Variants in ADAM10 observed in about 807,000 individuals in gnomAD.
The protein encoded by ADAM10 is disintegrin and metalloproteinase domain-containing protein 10.
Under a neutral mutation model 90.1 loss-of-function variants are expected in ADAM10, and 17 were observed. The observed-to-expected ratio is 0.19, with a 90% CI of 0.13 to 0.28. ADAM10 has a LOEUF of 0.28. ADAM10 is among the 10% of genes least tolerant of loss of function. The pLI is 1.00. For missense variants in ADAM10, 610 were observed against 914.3 expected (o/e 0.67, Z 4.29); for synonymous variants, 310 against 298.6 (o/e 1.04, Z -0.40).
intron 11 of ADAM10, among the ~76,000 whole-genome samples, chr15:58,619,639 T>C (rs1895721547): frequency 6.6e-6 from 1 of 152,122 alleles, no homozygotes; most frequent in African/African-American, 2.4e-5. Flanking sequence ...GTGCAGTGGC[T>C]CACACCTGTA....
At chr15:58,693,275 A>G in intron 2 of ADAM10, 1 of 536,238 alleles carries the variant, frequency 1.9e-6, no homozygotes, top group Non-Finnish European at 3.4e-6. Flanking sequence ...CCAAGGCTGC[A>G]CAGGGGTGAC....
At chr15:58,683,859 CA>C (rs71425819) in intron 2 of ADAM10, among the ~76,000 whole-genome samples, 1,284 of 67,148 alleles carry the variant, frequency 0.019, 2 homozygotes, top group South Asian at 0.032. Flanking sequence ...GGCTCCATCT[CA>C]AAAAAAAAAA....
chr15:58,692,645 T>C, intron 2 of ADAM10: 1 of 559,932 alleles, frequency 1.8e-6, no homozygotes, highest in Non-Finnish European at 3.6e-6. Flanking sequence ...TGATCTTCTT[T>C]AAGGTGAAGG....
intron 8 of ADAM10, among the ~76,000 whole-genome samples, chr15:58,639,962 A>G (rs1896372344): frequency 6.6e-6 from 1 of 152,034 alleles, no homozygotes; most frequent in Non-Finnish European, 1.5e-5. Flanking sequence ...AGAAGATAAT[A>G]TACTATTGAT....
chr15:58,682,256 C>T lies in ADAM10; in HGVS notation c.265G>A (p.Glu89Lys). The T allele has an allele frequency of 6.2e-7, 1 of 1,612,926 alleles. No homozygotes were observed. The highest frequency in any genetic ancestry group is 1.3e-5 in the African/African-American group (1 of 74,966). The change falls in exon 3 of 16, where the codon GAA becomes AAA. Residue 89 changes from glutamate (E) to lysine (K), a missense_variant. Coordinates refer to ENST00000260408, the MANE Select transcript of ADAM10 (RefSeq NM_001110.4). ...TAATCAAGTACTTTATTTGATGTTT[C>T]TACTTTAAATTCATCACTGAAAAGG... ...TSLFSDEFKV[E>K]TSNKVLDYDT...
intron 2 of ADAM10, among the ~76,000 whole-genome samples, chr15:58,700,163 C>T (rs746935935): frequency 1.3e-5 from 2 of 152,144 alleles, no homozygotes; most frequent in African/African-American, 4.8e-5. Context: ...CTTCAACACC[C>T]CACTCTCAGC....
chr15:58,697,821 C>G (rs1198383743), intron 2 of ADAM10, among the ~76,000 whole-genome samples: 1 of 152,172 alleles, frequency 6.6e-6, no homozygotes, highest in Non-Finnish European at 1.5e-5. Flanking sequence ...CAAGGACAGG[C>G]CCACTTGGTG....
intron 15 of ADAM10, among the ~76,000 whole-genome samples, chr15:58,598,706 C>T (rs1199550964): frequency 6.6e-6 from 1 of 152,154 alleles, no homozygotes; most frequent in Non-Finnish European, 1.5e-5. Flanking sequence ...AGAATAGCTA[C>T]GAATACCTTG....
chr15:58,717,638 C>A lies in ADAM10; in HGVS notation c.145G>T (p.Ala49Ser). ...VDSLHQKHQR[A>S]KRAVSHEDQF... ...TCTTCATGTGAGACTGCTCTTTTGG[C>A]ACGCTGGTGTTTTTGGTGTAATGAA... The change falls in exon 2 of 16, where the codon GCC becomes TCC. Residue 49 changes from alanine to serine, a missense_variant. Physicochemically the swap from Ala to Ser is moderately conservative, Grantham distance 99. Around this residue, in one of 4 missense-constraint regions of ADAM10, gnomAD observed 310 missense variants for 362.4 expected, o/e 0.86. Transcript: ENST00000260408. 4 of 1,613,844 alleles carry A rather than the reference C, an allele frequency of 2.5e-6. No individual in the cohort carries two copies. The highest frequency in any genetic ancestry group is 3.4e-6 in the Non-Finnish European group (4 of 1,179,934).
At chr15:58,737,848 A>T (rs373045042) in intron 1 of ADAM10, among the ~76,000 whole-genome samples, 1 of 152,168 alleles carries the variant, frequency 6.6e-6, no homozygotes, top group African/African-American at 2.4e-5. Flanking sequence ...TTTCATTAAC[A>T]TCAGGAGAAA....
At chr15:58,707,839 G>A (rs1898352708) in intron 2 of ADAM10, among the ~76,000 whole-genome samples, 1 of 152,162 alleles carries the variant, frequency 6.6e-6, no homozygotes, top group Non-Finnish European at 1.5e-5. Context: ...CACTTTGGGA[G>A]CCCGAGGCAG....
At chr15:58,624,585 G>A (rs1216508950) in intron 10 of ADAM10, among the ~76,000 whole-genome samples, 2 of 152,180 alleles carry the variant, frequency 1.3e-5, no homozygotes, top group African/African-American at 4.8e-5. Context: ...AGGTTAAAGT[G>A]CAGTGGCACG....
intron 8 of ADAM10, 143 bp downstream of exon 8, chr15:58,640,634 A>T: frequency 1.3e-6 from 1 of 768,884 alleles, no homozygotes; most frequent in East Asian, 2.7e-5. Flanking sequence ...CATTATGCTT[A>T]TGAGTCTTGC....
intron 10 of ADAM10, among the ~76,000 whole-genome samples, chr15:58,622,122 CCA>C (rs755271857): frequency 2.6e-5 from 4 of 152,134 alleles, no homozygotes; most frequent in Non-Finnish European, 4.4e-5. Context: ...TCACTTACTC[CCA>C]CAGTTTTTTT....
chr15:58,647,607 G>A (rs1230809923), intron 5 of ADAM10, among the ~76,000 whole-genome samples: 1 of 152,026 alleles, frequency 6.6e-6, no homozygotes, highest in Non-Finnish European at 1.5e-5. Context: ...GGAGTGCAGT[G>A]GCATGATCAC....
At chr15:58,630,734 C>T (rs138999465) in intron 9 of ADAM10, among the ~76,000 whole-genome samples, 2 of 151,996 alleles carry the variant, frequency 1.3e-5, no homozygotes, top group African/African-American at 2.4e-5. Flanking sequence ...TTACTACAAA[C>T]GTATAAGAGA....
intron 13 of ADAM10, 102 bp downstream of exon 13, chr15:58,610,897 A>C: frequency 1.1e-6 from 1 of 892,428 alleles, no homozygotes; most frequent in Non-Finnish European, 1.9e-6. Context: ...TTTAGCTGGA[A>C]ATTATCTGGC....
intron 1 of ADAM10, among the ~76,000 whole-genome samples, chr15:58,739,133 A>G (rs1372972851): frequency 6.6e-6 from 1 of 152,192 alleles, no homozygotes; most frequent in East Asian, 1.9e-4. Flanking sequence ...CTGCTCCTAG[A>G]GATCATGGAG....
chr15:58,672,810 A>AG (rs1325759960), intron 4 of ADAM10: 2 of 143,842 alleles, frequency 1.4e-5, no homozygotes, highest in Admixed American at 6.9e-5. Flanking sequence ...AAAAAAAAAA[A>AG]GGGAGATGTC....
Sources: allele counts gnomAD v4.1 joint callset (sites outside exome capture counted in the v4.1 genomes callset), GRCh38; gene constraint gnomAD v4.1.1; regional missense constraint gnomAD v4.1.1; transcripts MANE v1.5; gene names NCBI Gene and HGNC (gene_info 2026-07-23, HGNC 2026-07-21).